The following SCN4A variants were observed in gnomAD, a reference collection of about 807,000 sequenced individuals.
The protein encoded by SCN4A is sodium voltage-gated channel alpha subunit 4.
Under a neutral mutation model 162.0 loss-of-function variants are expected in SCN4A, and 83 were observed. That is an observed-to-expected ratio of 0.51 (90% CI 0.43 to 0.61). SCN4A has a LOEUF of 0.61. Ranked by LOEUF, SCN4A falls within the 20% of genes least tolerant of loss-of-function variation. The pLI, the probability that SCN4A is intolerant of heterozygous loss-of-function variation, is 0.00. For missense variants in SCN4A, 2,196 were observed against 2,462.5 expected (o/e 0.89, Z 2.29); for synonymous variants, 944 against 985.1 (o/e 0.96, Z 0.78).
intron 10 of SCN4A, among the ~76,000 whole-genome samples, chr17:63,963,064 C>G (rs1279284451): frequency 6.6e-6 from 1 of 151,970 alleles, no homozygotes; most frequent in Non-Finnish European, 1.5e-5. Flanking sequence ...TGCCTCCCTA[C>G]TTCCCTCCCT....
rs1434236319 is a variant in SCN4A, at chr17:63,948,780, G to A, written c.2990-15C>T. ...CTGCACGCAGGCTGATGGGGTGAGG[G>A]GGGACAGGGACAGGCACCACATCAT... On this transcript the variant is annotated splice_polypyrimidine_tract_variant and intron_variant, in intron 15 of 23. Transcript: ENST00000435607. 1 of 1,589,120 alleles carries A rather than the reference G, an allele frequency of 6.3e-7. No homozygotes were observed. The highest frequency in any genetic ancestry group is 1.7e-5 in the Admixed American group (1 of 59,306).
At chr17:63,962,655 C>A (rs924974815) in intron 10 of SCN4A, among the ~76,000 whole-genome samples, 1 of 152,062 alleles carries the variant, frequency 6.6e-6, no homozygotes, top group African/African-American at 2.4e-5. Context: ...GGATTCATGC[C>A]GGGGAGGGTG....
At chr17:63,971,977 C>T (rs941151034) in intron 3 of SCN4A, 127 bp from the exon 4 acceptor site, 11 of 1,147,754 alleles carry the variant, frequency 9.6e-6, no homozygotes, top group South Asian at 4.0e-5. Context: ...AGGACACTAG[C>T]GAGTGATAGC....
chr17:63,971,953 C>T (rs1402474674), intron 3 of SCN4A, 103 bp from the exon 4 acceptor site: 2 of 1,335,920 alleles, frequency 1.5e-6, no homozygotes, highest in Admixed American at 1.8e-5. Context: ...TGAAATATGC[C>T]ACTCAGGTGG....
intron 13 of SCN4A, among the ~76,000 whole-genome samples, chr17:63,952,457 C>T (rs1478528357): frequency 1.3e-5 from 2 of 152,046 alleles, no homozygotes; most frequent in Admixed American, 6.6e-5. Context: ...CGGTGCCTGG[C>T]CCATGACTGT....
At chr17:63,942,290 T>C (rs1908566929) in intron 23 of SCN4A, among the ~76,000 whole-genome samples, 1 of 132,058 alleles carries the variant, frequency 7.6e-6, no homozygotes, top group Non-Finnish European at 1.6e-5. Flanking sequence ...TGTGTGTGTG[T>C]GTGTGAAAGA....
At chr17:63,948,890 C>G (rs938497846) in intron 15 of SCN4A, 125 bp from the exon 16 acceptor site, 15 of 811,130 alleles carry the variant, frequency 1.8e-5, no homozygotes, top group Middle Eastern at 3.5e-4. Context: ...GACCCAGGGC[C>G]CCCACCTCCT....
chr17:63,943,953 C>T, intron 21 of SCN4A, 103 bp from the exon 22 acceptor site: 1 of 713,478 alleles, frequency 1.4e-6, no homozygotes, highest in Non-Finnish European at 2.5e-6. Flanking sequence ...GCAGCCCCCG[C>T]CCCTGTTGAT....
Position 63,971,189 on chromosome 17 carries a change from C to G in SCN4A, c.676G>C (p.Ala226Pro). The change falls in exon 5 of 24, where the codon GCC becomes CCC. Residue 226 changes from alanine to proline, a missense_variant. Physicochemically the swap from Ala to Pro is conservative, Grantham distance 27. Coordinates refer to ENST00000435607, the MANE Select transcript of SCN4A (RefSeq NM_000334.4). ...GGGATGACCGTGATGGTTTTGAGGG[C>G]CCGCAGCACCCGGAAGGTCCTCAGG... is the stretch of plus-strand genomic sequence containing the variant. ...SALRTFRVLR[A>P]LKTITVIPGL... 1 of 1,564,424 alleles carries G rather than the reference C, an allele frequency of 6.4e-7. No homozygotes were observed. Among genetic ancestry groups the G allele is most frequent in the Non-Finnish European group, 8.7e-7 (1 of 1,153,488 alleles).
intron 12 of SCN4A, among the ~76,000 whole-genome samples, chr17:63,958,945 G>A (rs1255737192): frequency 6.6e-6 from 1 of 152,206 alleles, no homozygotes; most frequent in African/African-American, 2.4e-5. Context: ...TGAACTTCCA[G>A]AGCCCCGGCT....
chr17:63,957,228 C>T lies in SCN4A; in HGVS notation c.2310G>A (p.Met770Ile). ...GGCACATGGCTTGGCCGGCCACCTC[C>T]ATGCAGTCCCACATGGTCTCGATCC... The part of the protein sequence containing the change: ...GEWIETMWDC[M>I]EVAGQAMCLT... The change falls in exon 13 of 24, where the codon ATG (methionine) becomes ATA (isoleucine). Residue 770 changes from methionine to isoleucine, a missense_variant. Physicochemically the swap from Met to Ile is conservative, Grantham distance 10. Coordinates refer to ENST00000435607, the MANE Select transcript of SCN4A (RefSeq NM_000334.4). 6 of 1,606,940 alleles carry T rather than the reference C, an allele frequency of 3.7e-6. No homozygotes were observed. The South Asian group carries it at 6.6e-5, about 18-fold the overall frequency.
Position 63,966,235 on chromosome 17 carries a change from G to A in SCN4A, c.1109C>T (p.Pro370Leu). The A allele has an allele frequency of 6.2e-7, 1 of 1,604,568 alleles. No individual in the cohort carries two copies. The highest frequency in any genetic ancestry group is 8.5e-7 in the Non-Finnish European group (1 of 1,175,728). The change falls in exon 8 of 24, where the codon CCT becomes CTT. Residue 370 changes from proline to leucine, a missense_variant. Transcript: ENST00000435607. ...GGTCTTGATGCACTCATAACCCTCA[G>A]GGCAGTGCCTAGGAATAGGACAGGG... is the stretch of plus-strand genomic sequence containing the variant. ...CGNSSDAGHC[P>L]EGYECIKTGR... is the part of the protein sequence containing the mutation.
At chr17:63,968,494 T>A (rs1909524985) in intron 5 of SCN4A, 139 bp from the exon 6 acceptor site, 4 of 665,832 alleles carry the variant, frequency 6.0e-6, no homozygotes, top group African/African-American at 5.4e-5. Context: ...CCCCGAAGCC[T>A]TCTGAAATTA....
chr17:63,946,901 A>G, intron 18 of SCN4A, 144 bp downstream of exon 18: 1 of 779,542 alleles, frequency 1.3e-6, no homozygotes, highest in South Asian at 1.8e-5. Flanking sequence ...TGGGGGCCAG[A>G]CCTGGCCTCA....
chr17:63,951,631 C>T lies in SCN4A; in HGVS notation c.2646G>A (p.Pro882=), dbSNP rs538173069. Residue 882 remains proline, a synonymous_variant, in exon 14 of 24, where the codon CCG becomes CCA. Coordinates refer to ENST00000435607, the MANE Select transcript of SCN4A (RefSeq NM_000334.4). This position sits in a 1 kb window ranked among gnomAD's most constrained non-coding sequence, Gnocchi z 4.5. ...ETAPEDEKKE[P]PEEDLKKDNH... Reference sequence around the variant, plus strand: ...TGTCCTTCTTCAGGTCCTCCTCGGGCGGCTCCTTCTTCTCATCCTCGGGGG... The same window carrying T: ...TGTCCTTCTTCAGGTCCTCCTCGGGTGGCTCCTTCTTCTCATCCTCGGGGG... 1.1e-4 allele frequency: 174 copies of T among 1,612,572 alleles called. 1 individual carries two copies. The East Asian group carries it at 1.2e-3, about 12-fold the overall frequency.
rs149375419 is a variant in SCN4A, at chr17:63,966,327, G to A, written c.1101-84C>T. On this transcript the variant is annotated intron_variant, in intron 7 of 23. Transcript: ENST00000435607. ...ATAGGGACCCCAAGGGAAAAATTCC[G>A]TCAGTTCTGCCTGTGTCCCCCAAAC... The A allele has an allele frequency of 3.6e-4, 535 of 1,479,566 alleles. 2 individuals carry two copies. The East Asian group carries it at 9.1e-3, about 25-fold the overall frequency. The allele number at this position is 1,479,566 out of a possible 1,614,324, so 91.7% of individuals were successfully genotyped here. A position where few individuals can be genotyped will look rare whatever the true frequency, so the allele number is the denominator to read the frequency against.
At position 63,944,670 on chromosome 17, in the gene SCN4A, C is replaced by G; in HGVS notation, c.3912+3G>C. 6.2e-7 allele frequency: 1 copy of G among 1,600,216 alleles called. No homozygotes were observed. The highest frequency in any genetic ancestry group is 8.5e-7 in the Non-Finnish European group (1 of 1,173,304). ...GGGCCCGAGGGGCTGGGCTGATACTCATCTTCTTCTTCTGCTGGTTGAAGT... is the reference window on the plus strand; with the variant it reads ...GGGCCCGAGGGGCTGGGCTGATACTGATCTTCTTCTTCTGCTGGTTGAAGT... On this transcript the variant is annotated splice_donor_region_variant and intron_variant, in intron 21 of 23. Coordinates refer to ENST00000435607, the MANE Select transcript of SCN4A (RefSeq NM_000334.4). This position sits in a 1 kb window ranked among gnomAD's most constrained non-coding sequence, Gnocchi z 4.3.
chr17:63,944,045 G>A lies in SCN4A; in HGVS notation c.3913-195C>T, dbSNP rs1908633016. The stretch of plus-strand genomic sequence containing the variant: ...CGAGGAGAAGGGAGGGAAGGGGAGT[G>A]GGGATCAATGCTGTCTTGCAGCCTG... On this transcript the variant is annotated intron_variant, in intron 21 of 23. Transcript: ENST00000435607. The surrounding 1 kb of genome is among the most constrained non-coding windows in gnomAD (Gnocchi z 4.3). Among the ~76,000 whole-genome samples the A allele has an allele frequency of 6.6e-6, 1 of 152,154 alleles. No individual in the cohort carries two copies. The highest frequency in any genetic ancestry group is 2.1e-4 in the South Asian group (1 of 4,824).
chr17:63,944,913 T>C lies in SCN4A; in HGVS notation c.3774+94A>G, dbSNP rs1908663389. 7.6e-6 allele frequency: 12 copies of C among 1,589,010 alleles called. No individual in the cohort carries two copies. The highest frequency in any genetic ancestry group is 1.0e-5 in the Non-Finnish European group (12 of 1,163,478). The stretch of plus-strand genomic sequence containing the variant: ...CCCATCCACCCCCAGGGCTGCCAAG[T>C]CTCGGGGACAGAACGTGCTGCCAAG... On this transcript the variant is annotated intron_variant, in intron 20 of 23. Coordinates refer to ENST00000435607, the MANE Select transcript of SCN4A (RefSeq NM_000334.4). This position sits in a 1 kb window ranked among gnomAD's most constrained non-coding sequence, Gnocchi z 4.3.
Sources: allele counts gnomAD v4.1 joint callset (sites outside exome capture counted in the v4.1 genomes callset), GRCh38; gene constraint gnomAD v4.1.1; non-coding constraint Gnocchi (gnomAD v3.1); transcripts MANE v1.5; gene names NCBI Gene and HGNC (gene_info 2026-07-23, HGNC 2026-07-21).